The following AGO4 variants were observed in gnomAD, a reference collection of about 807,000 sequenced individuals.
AGO4 encodes the protein protein argonaute-4.
In AGO4, 33 loss-of-function variants were observed where a neutral mutation model predicts 104.7. The ratio of observed to expected loss-of-function variants is 0.32; its 90% CI spans 0.24 to 0.42. The LOEUF (loss-of-function observed/expected upper bound fraction) is 0.42. Among genes scored for constraint, AGO4 ranks in the 10% least tolerant of loss-of-function variants. The probability of loss-of-function intolerance (pLI) is 1.00; values close to 1 mark genes in which losing one functional copy is unlikely to be tolerated. For missense variants in AGO4, 711 were observed against 1,083.4 expected (o/e 0.66, Z 4.83); for synonymous variants, 331 against 364.7 (o/e 0.91, Z 1.05).
intron 7 of AGO4, among the ~76,000 whole-genome samples, chr1:35,828,166 A>G (rs936935313): frequency 1.3e-5 from 2 of 152,090 alleles, no homozygotes; most frequent in Non-Finnish European, 2.9e-5. Context: ...ATATGTATGT[A>G]TGTATCTTCT....
At chr1:35,842,042 A>G (rs549294182) in intron 15 of AGO4, among the ~76,000 whole-genome samples, 13 of 152,064 alleles carry the variant, frequency 8.5e-5, no homozygotes, top group Admixed American at 2.6e-4. Flanking sequence ...CATTGTGATG[A>G]TATAGGCAAC....
chr1:35,852,307 T>C (rs1332428127), intron 17 of AGO4, among the ~76,000 whole-genome samples: 1 of 152,220 alleles, frequency 6.6e-6, no homozygotes, highest in Non-Finnish European at 1.5e-5. Context: ...ATTTTGAGCC[T>C]AGATGATAAG....
rs1644449012 is a variant in AGO4, at chr1:35,841,776, T to C, written c.2175+26T>C. On this transcript the variant is annotated intron_variant, in intron 15 of 17. Coordinates refer to ENST00000373210, the MANE Select transcript of AGO4 (RefSeq NM_017629.4). This position sits in a 1 kb window ranked among gnomAD's most constrained non-coding sequence, Gnocchi z 4.7. Reference sequence around the variant, plus strand: ...GTAAGAAGATATAATATAAGCTTTGTTATCTGAGGCTCTGGCAAGAGATGT... The same window carrying C: ...GTAAGAAGATATAATATAAGCTTTGCTATCTGAGGCTCTGGCAAGAGATGT... The C allele has an allele frequency of 2.9e-5, 46 of 1,602,486 alleles. No individual in the cohort carries two copies. The highest frequency in any genetic ancestry group is 3.9e-5 in the Non-Finnish European group (46 of 1,173,320).
intron 2 of AGO4, 81 bp downstream of exon 2, chr1:35,817,128 C>G: frequency 7.4e-7 from 1 of 1,358,678 alleles, no homozygotes; most frequent in Non-Finnish European, 9.9e-7. Context: ...CTAAATTCAT[C>G]CAACATGTAG....
intron 6 of AGO4, among the ~76,000 whole-genome samples, chr1:35,826,530 G>A (rs1344773436): frequency 6.6e-6 from 1 of 152,144 alleles, no homozygotes; most frequent in Non-Finnish European, 1.5e-5. Flanking sequence ...TTTATTGGAT[G>A]AAATAATAAA....
chr1:35,850,289 T>G, intron 16 of AGO4, 31 bp downstream of exon 16: 1 of 1,546,052 alleles, frequency 6.5e-7, no homozygotes, highest in Non-Finnish European at 8.9e-7. Context: ...GATCTTTGAC[T>G]TGATAGGGAG....
At chr1:35,850,816 A>AC (rs754698060) in intron 16 of AGO4, 38 bp from the exon 17 acceptor site, 19 of 1,234,260 alleles carry the variant, frequency 1.5e-5, no homozygotes, top group Admixed American at 3.4e-5. Flanking sequence ...CAAAAAACGA[A>AC]CAAAAAAAAA....
At chr1:35,851,350 G>A (rs1282794286) in intron 17 of AGO4, among the ~76,000 whole-genome samples, 2 of 152,270 alleles carry the variant, frequency 1.3e-5, no homozygotes, top group East Asian at 3.9e-4. Flanking sequence ...CTCAAAAAGT[G>A]GTCAACACAG....
chr1:35,815,570 T>G (rs1643664983), intron 1 of AGO4, among the ~76,000 whole-genome samples: 1 of 152,204 alleles, frequency 6.6e-6, no homozygotes, highest in South Asian at 2.1e-4. Flanking sequence ...TAATATGCAT[T>G]GAAATTTTAA....
intron 8 of AGO4, 49 bp from the exon 9 acceptor site, chr1:35,831,763 A>G (rs955434752): frequency 3.1e-6 from 5 of 1,608,118 alleles, no homozygotes; most frequent in Non-Finnish European, 4.2e-6. Flanking sequence ...GCAAAGGTTT[A>G]AGATGTGGAA....
At chr1:35,809,706 A>G (rs1428023031) in intron 1 of AGO4, among the ~76,000 whole-genome samples, 3 of 152,230 alleles carry the variant, frequency 2.0e-5, no homozygotes, top group African/African-American at 7.2e-5. Context: ...GATTCAATCT[A>G]GTAATGTAAT....
chr1:35,836,409 G>A (rs892023144), intron 13 of AGO4, among the ~76,000 whole-genome samples: 7 of 152,068 alleles, frequency 4.6e-5, no homozygotes, highest in South Asian at 2.1e-4. Context: ...ATGAATAAAC[G>A]ACACAATTTT....
intron 7 of AGO4, among the ~76,000 whole-genome samples, chr1:35,828,158 A>G (rs1644079481): frequency 6.6e-6 from 1 of 152,032 alleles, no homozygotes; most frequent in Non-Finnish European, 1.5e-5. Flanking sequence ...GACATTTTAT[A>G]TGTATGTATG....
chr1:35,841,811 C>CATATATATATATATATATACATAT lies in AGO4; in HGVS notation c.2175+80_2175+81insCATATATATATATATATATATATA, dbSNP rs1336128652. Reference sequence around the variant, plus strand: ...CTCTGGCAAGAGATGTATATATGCACATATATATATATATATATATATATA... The same window carrying CATATATATATATATATATACATAT: ...CTCTGGCAAGAGATGTATATATGCACATATATATATATATATATACATATATATATATATATATATATATATATA... On this transcript the variant is annotated intron_variant, in intron 15 of 17. Coordinates refer to ENST00000373210, the MANE Select transcript of AGO4 (RefSeq NM_017629.4). This position sits in a 1 kb window ranked among gnomAD's most constrained non-coding sequence, Gnocchi z 4.7. The CATATATATATATATATATACATAT allele has an allele frequency of 2.0e-4, 120 of 606,474 alleles. No homozygotes were observed. The highest frequency in any genetic ancestry group is 2.3e-4 in the South Asian group (6 of 26,658). The allele number at this position is 606,474 out of a possible 1,614,324, so 37.6% of individuals were successfully genotyped here.
chr1:35,822,788 T>C, intron 2 of AGO4, 74 bp from the exon 3 acceptor site: 1 of 1,568,604 alleles, frequency 6.4e-7, no homozygotes, highest in Non-Finnish European at 8.7e-7. Context: ...TTTAAATGAT[T>C]AAAGTATGAT....
intron 17 of AGO4, among the ~76,000 whole-genome samples, chr1:35,851,880 T>G (rs1284366243): frequency 1.3e-5 from 2 of 152,222 alleles, no homozygotes; most frequent in Non-Finnish European, 2.9e-5. Context: ...GACATGTTTC[T>G]TGTCCACGGG....
At position 35,808,522 on chromosome 1, in the gene AGO4, C is replaced by T. The variant is rs967022795; in HGVS notation, c.19+87C>T. 1 of 1,118,898 alleles carries T rather than the reference C, an allele frequency of 8.9e-7. No homozygotes were observed. Among genetic ancestry groups the T allele is most frequent in the Non-Finnish European group, 1.1e-6 (1 of 906,230 alleles). The allele number at this position is 1,118,898 out of a possible 1,614,324, so 69.3% of individuals were successfully genotyped here. On this transcript the variant is annotated intron_variant, in intron 1 of 17. Coordinates refer to ENST00000373210, the MANE Select transcript of AGO4 (RefSeq NM_017629.4). This position sits in a 1 kb window ranked among gnomAD's most constrained non-coding sequence, Gnocchi z 5.2. ...GACTTTCGCTGCCCCGTCGCCTCGCCGGGTTCGGGCCGCCAGGCCTCGGGG... is the reference window on the plus strand; with the variant it reads ...GACTTTCGCTGCCCCGTCGCCTCGCTGGGTTCGGGCCGCCAGGCCTCGGGG...
chr1:35,824,154 A>T (rs1430111075), intron 3 of AGO4, among the ~76,000 whole-genome samples: 1 of 152,190 alleles, frequency 6.6e-6, no homozygotes, highest in Non-Finnish European at 1.5e-5. Flanking sequence ...TTTTTAAATT[A>T]GAAAAGTACT....
At chr1:35,827,971 C>A (rs1023346339) in intron 7 of AGO4, among the ~76,000 whole-genome samples, 34 of 151,688 alleles carry the variant, frequency 2.2e-4, no homozygotes, top group African/African-American at 7.5e-4. Context: ...TCTTGAATTC[C>A]TGGGCTCAAA....
Sources: allele counts gnomAD v4.1 joint callset (sites outside exome capture counted in the v4.1 genomes callset), GRCh38; gene constraint gnomAD v4.1.1; non-coding constraint Gnocchi (gnomAD v3.1); transcripts MANE v1.5; gene names NCBI Gene and HGNC (gene_info 2026-07-23, HGNC 2026-07-21).